CD99L2: variants seen among roughly 807,000 people sequenced by gnomAD.
CD99L2 encodes the protein CD99 molecule like 2, also known as CD99 antigen-like protein 2.
A neutral mutation model predicts 27.3 loss-of-function variants in CD99L2; 24 were observed. The observed-to-expected ratio is 0.88, with a 90% CI of 0.64 to 1.24. The LOEUF (loss-of-function observed/expected upper bound fraction) is 1.24, where lower values mean the gene tolerates loss of function less well. Among genes scored for constraint, CD99L2 ranks in the 50% most tolerant of loss-of-function variants. The pLI, the probability that CD99L2 is intolerant of heterozygous loss-of-function variation, is 0.00. For missense variants in CD99L2, 255 were observed against 221.6 expected, an observed-to-expected ratio of 1.15 and a Z score of -0.96; for synonymous variants, 97 against 87.9, an observed-to-expected ratio of 1.10 and a Z score of -0.58.
chrX:150,792,590 C>A (rs1557419739), intron 7 of CD99L2, among the ~76,000 whole-genome samples: 2 of 112,135 alleles, frequency 1.8e-5, no homozygotes, highest in South Asian at 3.7e-4. Context: ...AAGAAAAGAG[C>A]AAACACTAGT....
intron 1 of CD99L2, among the ~76,000 whole-genome samples, chrX:150,854,564 G>A (rs1189746183): frequency 1.8e-5 from 2 of 111,686 alleles, no homozygotes; most frequent in Non-Finnish European, 3.8e-5. Context: ...CTTAACAGAG[G>A]TAATCAAGTT....
intron 7 of CD99L2, among the ~76,000 whole-genome samples, chrX:150,790,987 A>G (rs2045678328): frequency 9.0e-6 from 1 of 111,040 alleles, no homozygotes; most frequent in African/African-American, 3.3e-5. Context: ...TGATAGGATT[A>G]GAACCCTTAT....
chrX:150,875,386 A>T (rs1455276496), intron 1 of CD99L2, among the ~76,000 whole-genome samples: 1 of 112,089 alleles, frequency 8.9e-6, no homozygotes, highest in Non-Finnish European at 1.9e-5. Flanking sequence ...GTGCGTGTTC[A>T]TTAAGTTCTA....
At chrX:150,810,133 C>T (rs2046051961) in intron 4 of CD99L2, among the ~76,000 whole-genome samples, 2 of 111,807 alleles carry the variant, frequency 1.8e-5, no homozygotes, top group South Asian at 3.7e-4. Context: ...AGAGAACATT[C>T]CACCCAACAA....
At chrX:150,830,094 G>A (rs1317983048) in intron 2 of CD99L2, among the ~76,000 whole-genome samples, 1 of 110,234 alleles carries the variant, frequency 9.1e-6, no homozygotes, top group Non-Finnish European at 1.9e-5. Context: ...GGGGGAGGTT[G>A]CAGTGAGCTG....
At position 150,768,691 on chromosome X, in the gene CD99L2, C is replaced by A; in HGVS notation, c.*343G>T. 4.0e-6 allele frequency: 1 copy of A among 251,852 alleles called. No homozygotes were observed. The highest frequency in any genetic ancestry group is 6.9e-5 in the East Asian group (1 of 14,589). 20.8% of individuals were successfully genotyped at this position (251,852 alleles called of 1,213,427 possible). On this transcript the variant is annotated 3_prime_UTR_variant, in exon 11 of 11. Transcript: ENST00000370377. ...TGAGTTCAAACTCTTGTCCCCTAAGCATAAATGTCATCAGGCCTCAGCATC... is the reference window on the plus strand; with the variant it reads ...TGAGTTCAAACTCTTGTCCCCTAAGAATAAATGTCATCAGGCCTCAGCATC...
chrX:150,794,187 C>T (rs1407885042), intron 6 of CD99L2, among the ~76,000 whole-genome samples: 3 of 111,676 alleles, frequency 2.7e-5, no homozygotes, highest in Non-Finnish European at 5.6e-5. Flanking sequence ...TCGGTCTCTC[C>T]TCCTTTCTCC....
chrX:150,875,616 G>A (rs145750309), intron 1 of CD99L2, among the ~76,000 whole-genome samples: 4,671 of 111,768 alleles, frequency 0.042, 93 homozygotes, highest in Non-Finnish European at 0.061. Context: ...TTAGAATCAT[G>A]CAGTATGTGT....
chrX:150,861,917 A>AGAG (rs1200327907), intron 1 of CD99L2, among the ~76,000 whole-genome samples: 279 of 103,270 alleles, frequency 2.7e-3, no homozygotes, highest in Non-Finnish European at 4.6e-3. Flanking sequence ...AAAAAAAAAA[A>AGAG]AGAGAGAGAG....
chrX:150,811,412 A>G (rs1417049204), intron 4 of CD99L2, among the ~76,000 whole-genome samples: 2 of 111,952 alleles, frequency 1.8e-5, no homozygotes, highest in African/African-American at 6.5e-5. Context: ...AGAATTAATA[A>G]TACAAAAAAC....
intron 1 of CD99L2, among the ~76,000 whole-genome samples, chrX:150,877,567 A>G (rs2124358820): frequency 8.9e-6 from 1 of 112,256 alleles, no homozygotes; most frequent in African/African-American, 3.2e-5. Flanking sequence ...CATACCTGTA[A>G]GCCCAGCACT....
chrX:150,830,967 C>T (rs1416899053), intron 2 of CD99L2, among the ~76,000 whole-genome samples: 1 of 109,769 alleles, frequency 9.1e-6, no homozygotes, highest in African/African-American at 3.3e-5. Flanking sequence ...CAATACCACA[C>T]CCGGCTAATT....
At chrX:150,879,386 T>G (rs1320580655) in intron 1 of CD99L2, among the ~76,000 whole-genome samples, 1 of 111,681 alleles carries the variant, frequency 9.0e-6, no homozygotes, top group African/African-American at 3.3e-5. Context: ...ATTGAAAACA[T>G]AGAGCAGAAG....
intron 9 of CD99L2, among the ~76,000 whole-genome samples, chrX:150,773,338 G>A (rs782513298): frequency 2.7e-5 from 3 of 113,203 alleles, no homozygotes; most frequent in Non-Finnish European, 3.7e-5. Context: ...TGCAGAGCCC[G>A]GAAGAGAGGC....
At chrX:150,774,715 C>T (rs1374102604) in intron 9 of CD99L2, among the ~76,000 whole-genome samples, 4 of 112,295 alleles carry the variant, frequency 3.6e-5, no homozygotes, top group African/African-American at 6.5e-5. Context: ...AAACTTCCCC[C>T]GCCGCGCTAA....
In CD99L2 at chrX:150,772,625, G is replaced by A. The variant is rs782297784; in HGVS notation, c.656-2256C>T. ...CATTTTAAAACAGGTCCCGCTGGAGGAGCGTGAGGTGTGGAGGAGACTGCA... is the reference window on the plus strand; with the variant it reads ...CATTTTAAAACAGGTCCCGCTGGAGAAGCGTGAGGTGTGGAGGAGACTGCA... On this transcript the variant is annotated intron_variant, in intron 9 of 10. Coordinates refer to ENST00000370377, the MANE Select transcript of CD99L2 (RefSeq NM_031462.4). 1.1e-4 allele frequency among the ~76,000 whole-genome samples: 12 copies of A among 113,142 alleles called. No individual in the cohort carries two copies. In the South Asian group the frequency reaches 4.3e-3, roughly 40 times the overall value.
At chrX:150,790,854 T>C (rs782156958) in intron 7 of CD99L2, among the ~76,000 whole-genome samples, 1 of 112,145 alleles carries the variant, frequency 8.9e-6, no homozygotes, top group Non-Finnish European at 1.9e-5. Flanking sequence ...ATATATGGTG[T>C]TATGTACTGA....
At chrX:150,769,136 C>G (rs2148701074) in intron 10 of CD99L2, 35 bp from the exon 11 acceptor site, 2 of 1,149,585 alleles carry the variant, frequency 1.7e-6, no homozygotes, top group East Asian at 3.3e-5. Context: ...AGGAATTCTG[C>G]TCTGTCTTGC....
chrX:150,882,287 C>T (rs2047342444), intron 1 of CD99L2, among the ~76,000 whole-genome samples: 1 of 111,790 alleles, frequency 8.9e-6, no homozygotes, highest in African/African-American at 3.3e-5. Context: ...TAACTGAGCA[C>T]CAAGGTTTAG....
Sources: allele counts gnomAD v4.1 joint callset (sites outside exome capture counted in the v4.1 genomes callset), GRCh38; gene constraint gnomAD v4.1.1; transcripts MANE v1.5; gene names NCBI Gene and HGNC (gene_info 2026-07-23, HGNC 2026-07-21).